Variants in DEAF1 observed in about 807,000 individuals in gnomAD.
DEAF1 encodes the protein DEAF1 transcription factor, also known as deformed epidermal autoregulatory factor 1 homolog.
A neutral mutation model predicts 58.9 loss-of-function variants in DEAF1; 53 were observed. The ratio of observed to expected loss-of-function variants is 0.90; its 90% CI spans 0.72 to 1.13. The LOEUF (loss-of-function observed/expected upper bound fraction) is 1.13, where lower values mean the gene tolerates loss of function less well. Among genes scored for constraint, DEAF1 ranks in the 50% most tolerant of loss-of-function variants. The pLI is 0.00. For synonymous variants in DEAF1, 385 were observed against 340.4 expected (o/e 1.13, Z -1.44); for missense variants, 685 against 791.4 (o/e 0.87, Z 1.61).
chr11:660,640 A>C (rs1017327093), intron 10 of DEAF1, among the ~76,000 whole-genome samples: 7 of 152,128 alleles, frequency 4.6e-5, no homozygotes, highest in African/African-American at 1.7e-4. Context: ...GACGCCAGCA[A>C]CCCTCGCTCA....
intron 11 of DEAF1, among the ~76,000 whole-genome samples, chr11:650,871 A>T (rs1283399763): frequency 1.3e-5 from 2 of 152,124 alleles, no homozygotes; most frequent in Non-Finnish European, 2.9e-5. Flanking sequence ...ACTGCGCTCC[A>T]GTCTGGGTGA....
At chr11:679,662 G>A (rs754412425) in intron 8 of DEAF1, 26 bp downstream of exon 8, 23 of 1,608,648 alleles carry the variant, frequency 1.4e-5, no homozygotes, top group East Asian at 1.1e-4. Flanking sequence ...CTGAGGACGC[G>A]TCAGGCAGGC....
At chr11:662,289 CAAA>C (rs1244664219) in intron 10 of DEAF1, among the ~76,000 whole-genome samples, 4 of 151,282 alleles carry the variant, frequency 2.6e-5, no homozygotes, top group African/African-American at 7.3e-5. Context: ...TCTCATAAAA[CAAA>C]AAAAAATTAT....
chr11:695,306 C>T (rs1200700202), upstream of DEAF1: 1 of 446,718 alleles, frequency 2.2e-6, no homozygotes, highest in Non-Finnish European at 3.9e-6. Context: ...AGACCGAGTC[C>T]TGAACCGAGG....
At position 668,438 on chromosome 11, in the gene DEAF1, G is replaced by A. The variant is rs373635858; in HGVS notation, c.1503+6098C>T. On this transcript the variant is annotated intron_variant, in intron 10 of 11. Coordinates refer to ENST00000382409, the MANE Select transcript of DEAF1 (RefSeq NM_021008.4). ...ACATCTTTTTGTTTTTTTGAGACAG[G>A]GTCTCATTCTGTTGCCCAGGCTGGA... Among the ~76,000 whole-genome samples, 13 of 152,026 alleles carry A rather than the reference G, an allele frequency of 8.6e-5. 1 individual carries two copies. In the East Asian group the frequency reaches 2.3e-3, roughly 27 times the overall value.
chr11:652,029 T>C (rs140643963), intron 11 of DEAF1, among the ~76,000 whole-genome samples: 1 of 152,174 alleles, frequency 6.6e-6, no homozygotes, highest in Non-Finnish European at 1.5e-5. Context: ...CTAACTGATA[T>C]CTAATACTCC....
At chr11:691,376 G>C (rs943087345) in intron 2 of DEAF1, 125 bp downstream of exon 2, 2 of 870,944 alleles carry the variant, frequency 2.3e-6, no homozygotes, top group East Asian at 5.3e-5. Flanking sequence ...GAGCCAGTGC[G>C]TCCCTCCCCA....
At chr11:692,610 T>A (rs1272551360) in intron 1 of DEAF1, among the ~76,000 whole-genome samples, 1 of 151,988 alleles carries the variant, frequency 6.6e-6, no homozygotes. Context: ...CCCAGCACTG[T>A]GGGATGCCAA....
intron 11 of DEAF1, among the ~76,000 whole-genome samples, chr11:645,915 A>G (rs1450175483): frequency 6.6e-6 from 1 of 152,184 alleles, no homozygotes; most frequent in Non-Finnish European, 1.5e-5. Flanking sequence ...AAATGGTGAC[A>G]GAGTTATTCC....
chr11:675,029 A>C (rs1233728290), intron 9 of DEAF1, among the ~76,000 whole-genome samples: 1 of 151,970 alleles, frequency 6.6e-6, no homozygotes, highest in Non-Finnish European at 1.5e-5. Context: ...AAAAAAATAC[A>C]AAAAATTAGC....
chr11:648,295 T>A lies in DEAF1; in HGVS notation c.1594-3641A>T, dbSNP rs374648607. 6.5e-3 allele frequency among the ~76,000 whole-genome samples: 981 copies of A among 151,106 alleles called. 8 individuals carry two copies. Among genetic ancestry groups the A allele is most frequent in the Non-Finnish European group, 0.011 (755 of 67,746 alleles). On this transcript the variant is annotated intron_variant, in intron 11 of 11. Transcript: ENST00000382409. ...CTGCAAGCTCCGCCTCCCGGGTTCA[T>A]GCCATTCTCCTGCCTCAGCCTCCCG...
At chr11:700,612 C>T (rs756073799) in intron 1 of DEAF1, 8 of 1,613,480 alleles carry the variant, frequency 5.0e-6, no homozygotes, top group Middle Eastern at 3.3e-4. Flanking sequence ...CTCTGCTCTT[C>T]AGGTCAGGTG....
chr11:686,176 C>T (rs886154896), intron 5 of DEAF1, among the ~76,000 whole-genome samples: 1 of 150,306 alleles, frequency 6.7e-6, no homozygotes, highest in Admixed American at 6.6e-5. Flanking sequence ...CCTGTAATCC[C>T]AGCTACTCAG....
chr11:690,994 T>C (rs1860808283), intron 2 of DEAF1, among the ~76,000 whole-genome samples: 1 of 152,140 alleles, frequency 6.6e-6, no homozygotes, highest in Non-Finnish European at 1.5e-5. Flanking sequence ...TAAAACATGA[T>C]CACAAAAGGG....
rs534513006 is a variant in DEAF1, at chr11:660,771, A to C, written c.1504-6720T>G. On this transcript the variant is annotated intron_variant, in intron 10 of 11. Coordinates refer to ENST00000382409, the MANE Select transcript of DEAF1 (RefSeq NM_021008.4). Reference sequence around the variant, plus strand: ...TTTGGCTCACGTGAGTGTTAGGCTGACACTGGAGAACAAGGCAGGCAAAAG... The same window carrying C: ...TTTGGCTCACGTGAGTGTTAGGCTGCCACTGGAGAACAAGGCAGGCAAAAG... Among the ~76,000 whole-genome samples the C allele has an allele frequency of 8.5e-5, 13 of 152,360 alleles. No individual in the cohort carries two copies. The South Asian group carries it at 2.7e-3, about 32-fold the overall frequency.
intron 10 of DEAF1, among the ~76,000 whole-genome samples, chr11:666,925 G>A (rs1044051406): frequency 2.0e-5 from 3 of 150,502 alleles, no homozygotes; most frequent in African/African-American, 7.3e-5. Flanking sequence ...ATAGCCAGGA[G>A]CAGTGGTTCA....
In DEAF1 at chr11:689,266, C is replaced by T. The variant is rs1260293075; in HGVS notation, c.388-806G>A. 9.3e-5 allele frequency among the ~76,000 whole-genome samples: 13 copies of T among 139,978 alleles called. 1 individual carries two copies. Among genetic ancestry groups the T allele is most frequent in the African/African-American group, 2.9e-4 (11 of 37,602 alleles). The allele number at this position is 139,978 out of a possible 152,430, so 91.8% of individuals were successfully genotyped here. A position where few individuals can be genotyped will look rare whatever the true frequency, so the allele number is the denominator to read the frequency against. Reference sequence around the variant, plus strand: ...TGTCACCCAGGCTGGAGTGCAGTGGCGCCATCTCGGCTCACTGCAAGCTCC... The same window carrying T: ...TGTCACCCAGGCTGGAGTGCAGTGGTGCCATCTCGGCTCACTGCAAGCTCC... On this transcript the variant is annotated intron_variant, in intron 2 of 11. Transcript: ENST00000382409.
At chr11:666,647 G>A (rs1421426616) in intron 10 of DEAF1, among the ~76,000 whole-genome samples, 1 of 152,096 alleles carries the variant, frequency 6.6e-6, no homozygotes, top group African/African-American at 2.4e-5. Context: ...AGAGGTTGCA[G>A]TGAGCTGAGA....
At chr11:645,968 T>C (rs1476176690) in intron 11 of DEAF1, among the ~76,000 whole-genome samples, 4 of 152,080 alleles carry the variant, frequency 2.6e-5, no homozygotes, top group African/African-American at 9.6e-5. Context: ...AAGAGCAAAA[T>C]TAGGCCGGGC....
Sources: allele counts gnomAD v4.1 joint callset (sites outside exome capture counted in the v4.1 genomes callset), GRCh38; gene constraint gnomAD v4.1.1; transcripts MANE v1.5; gene names NCBI Gene and HGNC (gene_info 2026-07-23, HGNC 2026-07-21).